The following DLG1 variants were observed in gnomAD, a reference collection of about 807,000 sequenced individuals.
DLG1 encodes the protein disks large homolog 1.
DLG1 carries 42 observed loss-of-function variants against 123.4 expected under a neutral mutation model. The ratio of observed to expected loss-of-function variants is 0.34; its 90% CI spans 0.27 to 0.44. The LOEUF (loss-of-function observed/expected upper bound fraction) is 0.44. Ranked by LOEUF, DLG1 falls within the 20% of genes least tolerant of loss-of-function variation. DLG1 has a pLI of 1.00. For synonymous variants in DLG1, 317 were observed against 356.2 expected, an observed-to-expected ratio of 0.89 and a Z score of 1.24; for missense variants, 942 against 1,082.6, an observed-to-expected ratio of 0.87 and a Z score of 1.82.
At chr3:197,158,696 C>G (rs1303665592) in intron 5 of DLG1, among the ~76,000 whole-genome samples, 4 of 143,136 alleles carry the variant, frequency 2.8e-5, no homozygotes, top group Non-Finnish European at 6.1e-5. Flanking sequence ...GGACATACCT[C>G]TAAGGTAATT....
chr3:197,114,088 A>C (rs995749368), intron 13 of DLG1, among the ~76,000 whole-genome samples: 1 of 152,246 alleles, frequency 6.6e-6, no homozygotes, highest in Admixed American at 6.5e-5. Flanking sequence ...GGGTTAACAG[A>C]CATGAAAAAC....
chr3:197,180,447 C>T (rs963807364), intron 5 of DLG1, among the ~76,000 whole-genome samples: 8 of 152,074 alleles, frequency 5.3e-5, no homozygotes, highest in Non-Finnish European at 8.8e-5. Context: ...CTTCGCAATG[C>T]ATAGAGAACT....
chr3:197,298,758 A>G, upstream of DLG1: 1 of 396,030 alleles, frequency 2.5e-6, no homozygotes, highest in Non-Finnish European at 4.4e-6. Flanking sequence ...GCTGATTGTT[A>G]AGTTACTCTT....
intron 4 of DLG1, among the ~76,000 whole-genome samples, chr3:197,247,559 T>C (rs1235424111): frequency 2.6e-5 from 4 of 152,146 alleles, no homozygotes; most frequent in Non-Finnish European, 5.9e-5. Flanking sequence ...GTCATTGACA[T>C]ACTTTATTAA....
At chr3:197,161,566 T>C (rs548876048) in intron 5 of DLG1, 3 of 955,312 alleles carry the variant, frequency 3.1e-6, no homozygotes, top group South Asian at 4.6e-5. Context: ...GCTCAAACAG[T>C]TTTAAAAAAG....
intron 4 of DLG1, among the ~76,000 whole-genome samples, chr3:197,201,672 G>A (rs1725798150): frequency 6.6e-6 from 1 of 152,096 alleles, no homozygotes. Context: ...CATTGTAGAT[G>A]ACACAAACAA....
chr3:197,072,282 G>A (rs1302365776), intron 18 of DLG1, among the ~76,000 whole-genome samples: 1 of 151,920 alleles, frequency 6.6e-6, no homozygotes, highest in Admixed American at 6.6e-5. Context: ...TACATCCTTA[G>A]GATAAATTCT....
intron 13 of DLG1, among the ~76,000 whole-genome samples, chr3:197,112,379 C>T (rs1323082129): frequency 6.6e-6 from 1 of 152,106 alleles, no homozygotes; most frequent in Non-Finnish European, 1.5e-5. Flanking sequence ...TCTCTGATGC[C>T]TAATGTTAAG....
At chr3:197,183,419 T>C (rs1469981817) in intron 5 of DLG1, among the ~76,000 whole-genome samples, 2 of 151,752 alleles carry the variant, frequency 1.3e-5, no homozygotes, top group African/African-American at 2.4e-5. Flanking sequence ...CCCCCTTTTG[T>C]GCTAAAGACC....
intron 23 of DLG1, among the ~76,000 whole-genome samples, chr3:197,057,931 T>A (rs1732935365): frequency 6.6e-6 from 1 of 152,132 alleles, no homozygotes; most frequent in Admixed American, 6.5e-5. Flanking sequence ...TTCTATTTCA[T>A]TAATTTCTGC....
chr3:197,148,300 C>T (rs1183837124), intron 6 of DLG1, among the ~76,000 whole-genome samples: 1 of 136,964 alleles, frequency 7.3e-6, no homozygotes, highest in Non-Finnish European at 1.6e-5. Context: ...TTCCCAACTA[C>T]ATGGGAGGCT....
At chr3:197,235,945 A>G (rs1307498505) in intron 4 of DLG1, among the ~76,000 whole-genome samples, 1 of 152,218 alleles carries the variant, frequency 6.6e-6, no homozygotes, top group Non-Finnish European at 1.5e-5. Context: ...AACATACCAA[A>G]TGGAATGAGG....
At chr3:197,281,349 C>G (rs1769284088) in intron 4 of DLG1, among the ~76,000 whole-genome samples, 1 of 152,102 alleles carries the variant, frequency 6.6e-6, no homozygotes, top group Non-Finnish European at 1.5e-5. Flanking sequence ...TGTGGAGGCT[C>G]TTTTATAAGG....
chr3:197,269,708 C>T (rs1440077191), intron 4 of DLG1, among the ~76,000 whole-genome samples: 1 of 152,202 alleles, frequency 6.6e-6, no homozygotes, highest in Non-Finnish European at 1.5e-5. Context: ...GAACCAAAAT[C>T]TGGCTCACCT....
intron 10 of DLG1, among the ~76,000 whole-genome samples, chr3:197,133,908 T>G (rs190444293): frequency 9.6e-4 from 146 of 152,292 alleles, no homozygotes; most frequent in Non-Finnish European, 1.6e-3. Context: ...ATTGAATGAT[T>G]CCAGTGTAAT....
At chr3:197,243,181 C>T (rs947626017) in intron 4 of DLG1, among the ~76,000 whole-genome samples, 42 of 152,104 alleles carry the variant, frequency 2.8e-4, no homozygotes, top group African/African-American at 9.4e-4. Context: ...AAACTGATTC[C>T]GACTGACTAG....
chr3:197,208,360 A>T (rs1382084617), intron 4 of DLG1, among the ~76,000 whole-genome samples: 1 of 146,660 alleles, frequency 6.8e-6, no homozygotes, highest in African/African-American at 2.4e-5. Flanking sequence ...CTTCTATCAA[A>T]ATTATGAATA....
chr3:197,244,460 CT>C (rs1457833175), intron 4 of DLG1, among the ~76,000 whole-genome samples: 2 of 152,098 alleles, frequency 1.3e-5, no homozygotes, highest in East Asian at 3.9e-4. Context: ...TCTCGGTACC[CT>C]GTTTCAATGA....
At chr3:197,276,242 T>C (rs13317209) in intron 4 of DLG1, among the ~76,000 whole-genome samples, 25,961 of 152,188 alleles carry the variant, frequency 0.17, 2,567 homozygotes, top group African/African-American at 0.27. Flanking sequence ...ACCGATAATC[T>C]TTTATATCCC....
Sources: gnomAD v4.1 joint callset for allele counts (sites outside exome capture counted in the v4.1 genomes callset) on GRCh38, gnomAD v4.1.1 for gene constraint, MANE v1.5 for transcripts, NCBI Gene and HGNC (gene_info 2026-07-23, HGNC 2026-07-21) for gene names.